LIPI: variants seen among roughly 807,000 people sequenced by gnomAD.
The protein encoded by LIPI is lipase member I.
Under a neutral mutation model 50.6 loss-of-function variants are expected in LIPI, and 59 were observed. That is an observed-to-expected ratio of 1.16 (90% confidence interval 0.94 to 1.45). LIPI has a LOEUF of 1.45. LIPI is among the 40% of genes most tolerant of loss of function. LIPI has a pLI of 0.00. For missense variants in LIPI, 586 were observed against 536.3 expected (o/e 1.09, Z -0.92); for synonymous variants, 203 against 178.2 (o/e 1.14, Z -1.11).
intron 4 of LIPI, 99 bp downstream of exon 4, chr21:14,181,659 T>A: frequency 1.4e-6 from 1 of 701,826 alleles, no homozygotes; most frequent in South Asian, 1.5e-5. Flanking sequence ...AAAATCATTT[T>A]ATCCATGATG....
intron 7 of LIPI, among the ~76,000 whole-genome samples, chr21:14,162,982 T>C (rs1454108910): frequency 6.6e-6 from 1 of 151,630 alleles, no homozygotes; most frequent in African/African-American, 2.4e-5. Flanking sequence ...CTTCTACAAG[T>C]TTTCTCCTCT....
intron 3 of LIPI, among the ~76,000 whole-genome samples, chr21:14,183,389 C>T (rs1353502863): frequency 6.6e-6 from 1 of 152,130 alleles, no homozygotes; most frequent in Admixed American, 6.5e-5. Context: ...AAAACTTAGG[C>T]AATACCATTC....
chr21:14,157,225 G>C (rs1380317241), intron 7 of LIPI, among the ~76,000 whole-genome samples: 2 of 151,880 alleles, frequency 1.3e-5, no homozygotes, highest in African/African-American at 2.4e-5. Flanking sequence ...CCTCAGCCTA[G>C]CAAGTTTACT....
At chr21:14,121,456 T>C (rs1421447129) in intron 9 of LIPI, among the ~76,000 whole-genome samples, 1 of 152,204 alleles carries the variant, frequency 6.6e-6, no homozygotes, top group African/African-American at 2.4e-5. Context: ...ACTGCACTTA[T>C]ATCTCAGGTA....
intron 9 of LIPI, among the ~76,000 whole-genome samples, chr21:14,139,881 C>T (rs1046498778): frequency 2.6e-5 from 4 of 152,184 alleles, no homozygotes; most frequent in Admixed American, 2.6e-4. Context: ...GTCCAAGGAA[C>T]AGCAAAGAAG....
intron 1 of LIPI, among the ~76,000 whole-genome samples, chr21:14,197,054 CCAGA>C (rs2019888477): frequency 1.3e-5 from 2 of 150,136 alleles, no homozygotes; most frequent in Non-Finnish European, 3.0e-5. Flanking sequence ...CACACATACA[CCAGA>C]TAAATGAGAT....
intron 4 of LIPI, among the ~76,000 whole-genome samples, chr21:14,168,518 G>A (rs987834733): frequency 4.6e-5 from 7 of 152,136 alleles, no homozygotes; most frequent in South Asian, 2.1e-4. Flanking sequence ...CGGATCTCTC[G>A]GCAGAAACTC....
At chr21:14,139,117 G>A (rs2123036161) in intron 9 of LIPI, among the ~76,000 whole-genome samples, 1 of 152,124 alleles carries the variant, frequency 6.6e-6, no homozygotes, top group South Asian at 2.1e-4. Flanking sequence ...GAAGAGGATA[G>A]GGCCAGAAGT....
chr21:14,181,414 A>G (rs909469840), intron 4 of LIPI, among the ~76,000 whole-genome samples: 21 of 152,158 alleles, frequency 1.4e-4, no homozygotes, highest in African/African-American at 4.8e-4. Flanking sequence ...ATGGTAACCT[A>G]AATACATCAG....
intron 4 of LIPI, among the ~76,000 whole-genome samples, chr21:14,179,065 G>C (rs185442226): frequency 6.6e-6 from 1 of 152,070 alleles, no homozygotes; most frequent in Admixed American, 6.6e-5. Context: ...TAACAGATGA[G>C]ATGTTTTGCA....
At chr21:14,174,868 C>A (rs1188494413) in intron 4 of LIPI, among the ~76,000 whole-genome samples, 1 of 152,150 alleles carries the variant, frequency 6.6e-6, no homozygotes, top group Non-Finnish European at 1.5e-5. Context: ...CATTCTTTAT[C>A]TTCTAAGGAT....
At chr21:14,186,455 A>ATTT (rs918861130) in intron 2 of LIPI, among the ~76,000 whole-genome samples, 2 of 152,200 alleles carry the variant, frequency 1.3e-5, no homozygotes, top group Non-Finnish European at 2.9e-5. Flanking sequence ...TGAGTTATTC[A>ATTT]TTTTTATTCT....
chr21:14,162,855 G>C, intron 7 of LIPI, among the ~76,000 whole-genome samples: 1 of 151,556 alleles, frequency 6.6e-6, no homozygotes. Context: ...ACATAAAAAG[G>C]ACTCATTTTA....
intron 9 of LIPI, among the ~76,000 whole-genome samples, chr21:14,137,759 A>T (rs1478908039): frequency 6.6e-6 from 1 of 152,176 alleles, no homozygotes; most frequent in Non-Finnish European, 1.5e-5. Flanking sequence ...CAAGTATAAG[A>T]AAGTTATAGA....
intron 4 of LIPI, among the ~76,000 whole-genome samples, chr21:14,168,236 G>C (rs2018763394): frequency 1.3e-5 from 2 of 152,196 alleles, no homozygotes; most frequent in Admixed American, 1.3e-4. Flanking sequence ...ATCTACATCT[G>C]ATTGGTGTAC....
At position 14,146,772 on chromosome 21, in the gene LIPI, A is replaced by ATT. The variant is rs3048482; in HGVS notation, c.1119-1975_1119-1974dup. ...TCTCTTTCTTACTTTCCCAGTCTCT[A>ATT]TTTTTTTTTTTTTTTTTTTTTTTTT... is the stretch of plus-strand genomic sequence containing the variant. On this transcript the variant is annotated intron_variant, in intron 8 of 9. Coordinates refer to ENST00000681601, the MANE Select transcript of LIPI (RefSeq NM_001302998.2). 5.0e-3 allele frequency among the ~76,000 whole-genome samples: 370 copies of ATT among 73,348 alleles called. 77 individuals are homozygous for ATT. The highest frequency in any genetic ancestry group is 0.018 in the East Asian group (49 of 2,780). 48.1% of individuals were successfully genotyped at this position (73,348 alleles called of 152,430 possible). A position where few individuals can be genotyped will look rare whatever the true frequency, so the allele number is the denominator to read the frequency against.
chr21:14,183,578 T>G (rs997808130), intron 3 of LIPI, among the ~76,000 whole-genome samples: 2 of 152,184 alleles, frequency 1.3e-5, no homozygotes, highest in Non-Finnish European at 2.9e-5. Context: ...TCTACTCATC[T>G]GACAAAGGGC....
intron 4 of LIPI, among the ~76,000 whole-genome samples, chr21:14,170,183 A>C (rs1370110526): frequency 1.3e-5 from 2 of 152,220 alleles, no homozygotes; most frequent in African/African-American, 4.8e-5. Context: ...GAATCTCTGA[A>C]TAAACCAGTA....
At chr21:14,207,383 A>C (rs1055153495) in intron 1 of LIPI, among the ~76,000 whole-genome samples, 4 of 152,196 alleles carry the variant, frequency 2.6e-5, no homozygotes, top group Non-Finnish European at 5.9e-5. Context: ...ACTATGCATT[A>C]TATCTATCAA....
Sources: allele counts gnomAD v4.1 joint callset (sites outside exome capture counted in the v4.1 genomes callset), GRCh38; gene constraint gnomAD v4.1.1; transcripts MANE v1.5; gene names NCBI Gene and HGNC (gene_info 2026-07-23, HGNC 2026-07-21).